RPS29: variants seen among roughly 807,000 people sequenced by gnomAD.
RPS29 encodes small ribosomal subunit protein uS14.
For synonymous variants in RPS29, 37 were observed against 26.9 expected (o/e 1.37, Z -1.16); for missense variants, 60 against 75.7 (o/e 0.79, Z 0.77).
upstream of RPS29, chr14:49,586,801 G>C (rs1311995667): frequency 4.7e-6 from 1 of 212,016 alleles, no homozygotes; most frequent in Non-Finnish European, 1.0e-5. Flanking sequence ...CAAAACTCCC[G>C]TGCTGATCAG....
chr14:49,595,252 C>T (rs1045293604), intron 1 of RPS29, among the ~76,000 whole-genome samples: 1 of 151,856 alleles, frequency 6.6e-6, no homozygotes, highest in Non-Finnish European at 1.5e-5. Context: ...CTAGGGCAAG[C>T]AAGTCTACAC....
exon 3 of RPS29, chr14:49,573,339 G>C (rs981179579): frequency 6.6e-6 from 1 of 151,586 alleles, no homozygotes; most frequent in Non-Finnish European, 1.5e-5. Context: ...GTAATGGTGC[G>C]CACCTGTAAT....
At chr14:49,577,798 G>A (rs1594567114) in exon 3 of RPS29, 1 of 1,602,590 alleles carries the variant, frequency 6.2e-7, no homozygotes, top group Non-Finnish European at 8.5e-7. Context: ...TGGCCATGAT[G>A]GAGGAGATGG....
chr14:49,586,749 C>T (rs554567362), upstream of RPS29: 31 of 242,256 alleles, frequency 1.3e-4, no homozygotes, highest in South Asian at 1.4e-3. Context: ...ACCAGGTTGC[C>T]TAAGGAGGGG....
upstream of RPS29, chr14:49,586,566 G>C (rs953506488): frequency 2.8e-5 from 16 of 567,282 alleles, no homozygotes; most frequent in Non-Finnish European, 4.1e-5. Flanking sequence ...GCTATTCTGC[G>C]CCGGTATCCG....
exon 3 of RPS29, chr14:49,575,685 G>A (rs538018987): frequency 5.3e-5 from 8 of 151,950 alleles, no homozygotes; most frequent in Admixed American, 3.3e-4. Flanking sequence ...CCATCTCTAC[G>A]AAAAATTTTA....
chr14:49,588,327 T>C (rs902360134), upstream of RPS29, among the ~76,000 whole-genome samples: 2 of 152,234 alleles, frequency 1.3e-5, no homozygotes, highest in African/African-American at 4.8e-5. Flanking sequence ...ATACTTATTC[T>C]AGTCTATACA....
chr14:49,583,711 G>T, intron 2 of RPS29, 36 bp from the exon 3 acceptor site: 1 of 1,218,670 alleles, frequency 8.2e-7, no homozygotes, highest in South Asian at 1.3e-5. Flanking sequence ...ATTTCAAAAT[G>T]CTTTAAATCT....
intron 1 of RPS29, among the ~76,000 whole-genome samples, chr14:49,597,046 C>T (rs757295299): frequency 6.6e-6 from 1 of 151,272 alleles, no homozygotes; most frequent in African/African-American, 2.4e-5. Context: ...TCCCGGGTAG[C>T]TGGGACTACA....
At chr14:49,578,559 C>CGTTTT (rs747208657) in intron 2 of RPS29, among the ~76,000 whole-genome samples, 2 of 103,466 alleles carry the variant, frequency 1.9e-5, no homozygotes, top group African/African-American at 7.7e-5. Context: ...AAAGCTTTCA[C>CGTTTT]TTTTTTTTTT....
Position 49,598,287 on chromosome 14 carries a change from C to T in RPS29, c.-133+113G>A, listed in dbSNP as rs933549944. On this transcript the variant is annotated intron_variant, in intron 1 of 3. Coordinates refer to the RPS29 transcript ENST00000556230. ...AGGCGCTTCCCACTCCCCAGCCGGG[C>T]CCCGTCCTAGTTCAATCAATCAAGA... 2.2e-5 allele frequency: 13 copies of T among 598,610 alleles called. No homozygotes were observed. In the African/African-American group the frequency reaches 2.2e-4, roughly 10 times the overall value. The allele number at this position is 598,610 out of a possible 1,614,324, so 37.1% of individuals were successfully genotyped here. A position where few individuals can be genotyped will look rare whatever the true frequency, so the allele number is the denominator to read the frequency against.
At chr14:49,578,537 C>A (rs983322487) in intron 2 of RPS29, among the ~76,000 whole-genome samples, 1 of 143,248 alleles carries the variant, frequency 7.0e-6, no homozygotes, top group East Asian at 1.9e-4. Context: ...TTGTAGACTA[C>A]CAATATTTAC....
downstream of RPS29, among the ~76,000 whole-genome samples, chr14:49,582,011 CCAAAAAAA>C (rs1566478869): frequency 1.9e-5 from 1 of 52,132 alleles, no homozygotes; most frequent in African/African-American, 7.8e-5. Flanking sequence ...ACCCTGCCCC[CCAAAAAAA>C]AAAAAAAAAA....
At chr14:49,582,488 A>G (rs1881368641), downstream of RPS29, among the ~76,000 whole-genome samples, 1 of 152,214 alleles carries the variant, frequency 6.6e-6, no homozygotes, top group Non-Finnish European at 1.5e-5. Context: ...CATCTAGCAC[A>G]TATACCTCTT....
At chr14:49,590,419 T>A (rs2139519059), upstream of RPS29, among the ~76,000 whole-genome samples, 1 of 151,992 alleles carries the variant, frequency 6.6e-6, no homozygotes, top group East Asian at 2.0e-4. Flanking sequence ...GAGCTTGCAG[T>A]GAGCCGAGAT....
chr14:49,586,109 A>T, intron 1 of RPS29, 60 bp from the exon 2 acceptor site: 1 of 1,488,230 alleles, frequency 6.7e-7, no homozygotes, highest in Non-Finnish European at 9.4e-7. Flanking sequence ...CCGCACTCAG[A>T]CGGCTACTAC....
At chr14:49,593,495 G>C (rs1431513017) in intron 1 of RPS29, among the ~76,000 whole-genome samples, 1 of 151,988 alleles carries the variant, frequency 6.6e-6, no homozygotes, top group Admixed American at 6.6e-5. Flanking sequence ...CCTGAGGTTA[G>C]GAGTTTGAGA....
At chr14:49,591,595 A>G (rs1881711488) in intron 1 of RPS29, among the ~76,000 whole-genome samples, 1 of 149,504 alleles carries the variant, frequency 6.7e-6, no homozygotes, top group Admixed American at 6.7e-5. Flanking sequence ...TACAGGGATG[A>G]GCCACCATGC....
At chr14:49,589,080 A>G (rs1881657942), upstream of RPS29, among the ~76,000 whole-genome samples, 1 of 151,636 alleles carries the variant, frequency 6.6e-6, no homozygotes, top group African/African-American at 2.4e-5. Flanking sequence ...TTTTTAGTAG[A>G]GACAGGGTTT....
Sources: allele counts gnomAD v4.1 joint callset (sites outside exome capture counted in the v4.1 genomes callset), GRCh38; gene constraint gnomAD v4.1.1; transcripts MANE v1.5; gene names NCBI Gene and HGNC (gene_info 2026-07-23, HGNC 2026-07-21).